Variants in AFF1 observed in about 807,000 individuals in gnomAD.
AFF1 encodes the protein AF4/FMR2 family member 1.
In AFF1, 48 loss-of-function variants were observed where a neutral mutation model predicts 121.7. The observed-to-expected ratio is 0.39, with a 90% CI of 0.31 to 0.50. AFF1 has a LOEUF of 0.50. Ranked by LOEUF, AFF1 falls within the 20% of genes least tolerant of loss-of-function variation. The pLI is 0.76. For missense variants in AFF1, 1,523 were observed against 1,511.7 expected (o/e 1.01, Z -0.12); for synonymous variants, 613 against 563.0 (o/e 1.09, Z -1.26).
rs1729590588 is a variant in AFF1, at chr4:87,139,923, C to T, written c.*4222C>T. On this transcript the variant is annotated 3_prime_UTR_variant, in exon 21 of 21. Coordinates refer to ENST00000395146, the MANE Select transcript of AFF1 (RefSeq NM_001166693.3). ...CTTAATTATGGTGAGTTGACAAATA[C>T]CAACTACTGCTTTTCTTTAGGTGGC... 4.6e-6 allele frequency: 1 copy of T among 217,052 alleles called. No homozygotes were observed. The highest frequency in any genetic ancestry group is 9.3e-6 in the Non-Finnish European group (1 of 107,892). 13.4% of individuals were successfully genotyped at this position (217,052 alleles called of 1,614,324 possible).
chr4:87,103,524 C>A (rs769264353), intron 8 of AFF1, among the ~76,000 whole-genome samples: 2 of 152,228 alleles, frequency 1.3e-5, no homozygotes, highest in Non-Finnish European at 2.9e-5. Flanking sequence ...TCAGAGATCA[C>A]AGTCCGTACT....
intron 2 of AFF1, among the ~76,000 whole-genome samples, chr4:87,035,575 A>T (rs572399290): frequency 2.6e-4 from 40 of 151,674 alleles, no homozygotes; most frequent in African/African-American, 8.7e-4. Context: ...AAAAAAAAAA[A>T]ATACTCAGGA....
At position 87,131,825 on chromosome 4, in the gene AFF1, C is replaced by A. The variant is rs557039149; in HGVS notation, c.3134C>A (p.Ala1045Asp). The change falls in exon 18 of 21, where the codon GCC becomes GAC. Residue 1045 changes from alanine (A) to aspartate (D), a missense_variant. Ala to Asp is a moderately radical substitution (Grantham distance 126). Transcript: ENST00000395146. ...FIMSLKSFSD[A>D]TAPTQEKIFA... ...ATGTCATTAAAATCCTTCTCAGATG[C>A]CACAGCGCCAACACAAGAGAAAATA... 1 of 1,595,120 alleles carries A rather than the reference C, an allele frequency of 6.3e-7. No homozygotes were observed. Among genetic ancestry groups the A allele is most frequent in the Admixed American group, 1.8e-5 (1 of 54,184 alleles).
intron 8 of AFF1, among the ~76,000 whole-genome samples, chr4:87,102,078 C>A (rs995068884): frequency 1.3e-5 from 2 of 150,710 alleles, no homozygotes; most frequent in African/African-American, 4.9e-5. Context: ...CCTGAAAAAG[C>A]AGTTGTACAA....
intron 2 of AFF1, among the ~76,000 whole-genome samples, chr4:86,972,599 G>A (rs189416333): frequency 1.4e-4 from 22 of 152,256 alleles, no homozygotes; most frequent in Admixed American, 3.9e-4. Flanking sequence ...GTGCTATGGT[G>A]TGATCTCAGG....
rs996499875 is a variant in AFF1 at position 87,083,478 on chromosome 4, G to A, written c.1060-642G>A. Among the ~76,000 whole-genome samples the A allele has an allele frequency of 2.6e-5, 4 of 152,280 alleles. No homozygotes were observed. The South Asian group carries it at 6.2e-4, about 24-fold the overall frequency. ...AATAATGAAGAGTTATCCTTGATTG[G>A]ACTTAGCTCCTTACTTTCGACCCAC... On this transcript the variant is annotated intron_variant, in intron 4 of 20. Coordinates refer to ENST00000395146, the MANE Select transcript of AFF1 (RefSeq NM_001166693.3).
intron 8 of AFF1, among the ~76,000 whole-genome samples, chr4:87,104,187 A>T (rs1725691592): frequency 6.6e-6 from 1 of 152,138 alleles, no homozygotes; most frequent in Non-Finnish European, 1.5e-5. Flanking sequence ...TGGGCAGACC[A>T]CTTGAACCCG....
rs867464592 is a variant in AFF1 at position 86,949,184 on chromosome 4, T to A, written c.38+613T>A. Among the ~76,000 whole-genome samples the A allele has an allele frequency of 2.4e-3, 349 of 145,584 alleles. 1 individual carries two copies. Among genetic ancestry groups the A allele is most frequent in the Middle Eastern group, 0.021 (6 of 280 alleles). On this transcript the variant is annotated intron_variant, in intron 2 of 20. Transcript: ENST00000395146. ...CAAAAATATATATATATATATATTT[T>A]TTTTTTTTGAGATGGAGTCTCAGTC...
chr4:87,063,603 A>C (rs1172864521), intron 4 of AFF1, among the ~76,000 whole-genome samples: 1 of 152,178 alleles, frequency 6.6e-6, no homozygotes, highest in East Asian at 1.9e-4. Flanking sequence ...TTTGAATATT[A>C]TGGCTTTAAG....
rs1560676341 is a variant in AFF1, at chr4:87,140,661, C to T, written c.*4960C>T. 1 of 189,294 alleles carries T rather than the reference C, an allele frequency of 5.3e-6. No individual in the cohort carries two copies. Among genetic ancestry groups the T allele is most frequent in the Non-Finnish European group, 1.1e-5 (1 of 89,858 alleles). The allele number at this position is 189,294 out of a possible 1,614,324, so 11.7% of individuals were successfully genotyped here. A position where few individuals can be genotyped will look rare whatever the true frequency, so the allele number is the denominator to read the frequency against. ...AATAACGTGCCAGCTATCATCAACA[C>T]AATGATTTTGTACATAGGGTAGGGA... On this transcript the variant is annotated 3_prime_UTR_variant, in exon 21 of 21. Transcript: ENST00000395146.
chr4:87,013,242 G>C (rs1042743565), intron 2 of AFF1, among the ~76,000 whole-genome samples: 2 of 151,686 alleles, frequency 1.3e-5, no homozygotes, highest in Non-Finnish European at 2.9e-5. Flanking sequence ...GTTTCTCCAT[G>C]TTGGTCAGGA....
chr4:87,032,902 A>C (rs1429031555), intron 2 of AFF1, among the ~76,000 whole-genome samples: 1 of 152,196 alleles, frequency 6.6e-6, no homozygotes, highest in Non-Finnish European at 1.5e-5. Flanking sequence ...TAGTTCCAGC[A>C]TTTTAGGAGG....
At chr4:86,950,050 G>C in intron 2 of AFF1, 1 of 1,614,112 alleles carries the variant, frequency 6.2e-7, no homozygotes, top group Non-Finnish European at 8.5e-7. Context: ...TGTAGAGAGG[G>C]TGATTGATGT....
At chr4:86,971,369 A>C (rs1722935151) in intron 2 of AFF1, among the ~76,000 whole-genome samples, 1 of 152,194 alleles carries the variant, frequency 6.6e-6, no homozygotes, top group Non-Finnish European at 1.5e-5. Context: ...TCTTGCATGA[A>C]GATGATGCCT....
At chr4:87,005,077 A>G (rs567472964) in intron 2 of AFF1, among the ~76,000 whole-genome samples, 1 of 152,276 alleles carries the variant, frequency 6.6e-6, no homozygotes, top group African/African-American at 2.4e-5. Flanking sequence ...GCACAATCTC[A>G]GCTCACTGCA....
At chr4:87,032,287 A>G (rs1192984556) in intron 2 of AFF1, among the ~76,000 whole-genome samples, 1 of 152,198 alleles carries the variant, frequency 6.6e-6, no homozygotes, top group African/African-American at 2.4e-5. Flanking sequence ...TTCTTCTCCT[A>G]TAATAATCTC....
intron 2 of AFF1, among the ~76,000 whole-genome samples, chr4:86,978,526 A>G (rs1435935762): frequency 6.6e-6 from 1 of 151,878 alleles, no homozygotes; most frequent in Non-Finnish European, 1.5e-5. Context: ...AGTAAATTTC[A>G]TAGTGTAGTT....
intron 2 of AFF1, among the ~76,000 whole-genome samples, chr4:87,027,784 GTTTTTTTT>G (rs35903702): frequency 1.1e-5 from 1 of 90,598 alleles, no homozygotes; most frequent in Non-Finnish European, 2.0e-5. Flanking sequence ...TTGCTGTTGG[GTTTTTTTT>G]TTTTTTTTTT....
chr4:87,043,954 C>T (rs1730414698), intron 2 of AFF1, among the ~76,000 whole-genome samples: 1 of 152,098 alleles, frequency 6.6e-6, no homozygotes, highest in East Asian at 1.9e-4. Flanking sequence ...GAGTAGCTGG[C>T]ACTACAGGCG....
Sources: gnomAD v4.1 joint callset for allele counts (sites outside exome capture counted in the v4.1 genomes callset) on GRCh38, gnomAD v4.1.1 for gene constraint, MANE v1.5 for transcripts, NCBI Gene and HGNC (gene_info 2026-07-23, HGNC 2026-07-21) for gene names.